The following TNS2 variants were observed in gnomAD, a reference collection of about 807,000 sequenced individuals.
TNS2 encodes the protein tensin-2.
TNS2 carries 77 observed loss-of-function variants against 155.7 expected under a neutral mutation model. The ratio of observed to expected loss-of-function variants is 0.49; its 90% confidence interval spans 0.41 to 0.60. The LOEUF (loss-of-function observed/expected upper bound fraction) is 0.60, where lower values mean the gene tolerates loss of function less well. TNS2 is among the 20% of genes least tolerant of loss of function. The pLI, the probability that TNS2 is intolerant of heterozygous loss-of-function variation, is 0.00. For missense variants in TNS2, 1,703 were observed against 1,868.8 expected (o/e 0.91, Z 1.64); for synonymous variants, 726 against 763.9 (o/e 0.95, Z 0.82).
Position 53,061,281 on chromosome 12 carries a change from G to T in TNS2, c.3358+17G>T. On this transcript the variant is annotated intron_variant, in intron 20 of 28. Transcript: ENST00000314250. ...AAACCCCAGGTATAAAGGCCTTGAG[G>T]GGGTTGGTGCCACCTTGAGAGAACC... is the stretch of plus-strand genomic sequence containing the variant. 1 of 1,594,782 alleles carries T rather than the reference G, an allele frequency of 6.3e-7. No homozygotes were observed. Among genetic ancestry groups the T allele is most frequent in the Non-Finnish European group, 8.5e-7 (1 of 1,170,178 alleles).
upstream of TNS2, among the ~76,000 whole-genome samples, chr12:53,047,347 C>A (rs1211322045): frequency 1.4e-5 from 2 of 145,924 alleles, no homozygotes; most frequent in Non-Finnish European, 3.0e-5. Flanking sequence ...CCCGCCGCGC[C>A]CCCGCCCGGC....
rs771878246 is a variant in TNS2 at position 53,062,383 on chromosome 12, G to C, written c.3675G>C (p.Leu1225=). 6.2e-7 allele frequency: 1 copy of C among 1,613,986 alleles called. No individual in the cohort carries two copies. The highest frequency in any genetic ancestry group is 1.3e-5 in the African/African-American group (1 of 75,006). Residue 1225 remains leucine (L), a synonymous_variant, in exon 24 of 29, where the codon CTG becomes CTC. Transcript: ENST00000314250. ...GCPSEPYFGS[L]SALVSQHSIS... ...CTACCTCCTCTCCCACAGGCAGCCT[G>C]TCCGCCTTGGTCTCCCAGCACTCCA... is the stretch of plus-strand genomic sequence containing the variant.
chr12:53,061,179 A>G lies in TNS2; in HGVS notation c.3273A>G (p.Pro1091=). ...GPGQQPGPWG[P]EQASSPARGI... ...GGCAACAGCCAGGACCCTGGGGCCC[A>G]GAGCAGGCATCATCGCCAGCCAGAG... The change falls in exon 20 of 29, where the codon CCA becomes CCG. Residue 1091 remains proline (P), a synonymous_variant. Coordinates refer to ENST00000314250, the MANE Select transcript of TNS2 (RefSeq NM_170754.4). The G allele has an allele frequency of 6.3e-7, 1 of 1,594,696 alleles. No homozygotes were observed. Among genetic ancestry groups the G allele is most frequent in the Non-Finnish European group, 8.5e-7 (1 of 1,170,946 alleles).
intron 22 of TNS2, 100 bp from the exon 23 acceptor site, chr12:53,062,053 A>C (rs980058681): frequency 1.9e-6 from 3 of 1,610,682 alleles, no homozygotes; most frequent in Middle Eastern, 1.7e-4. Flanking sequence ...TAGAGGGGAG[A>C]GGTAGGAAAA....
chr12:53,058,993 TCTCCCTCCCTGTTCCCCGCTTGCC>T, intron 17 of TNS2, 30 bp from the exon 18 acceptor site: 1 of 1,536,076 alleles, frequency 6.5e-7, no homozygotes, highest in Non-Finnish European at 8.8e-7. Context: ...GAATTTTCTC[TCTCCCTCCCTGTTCCCCGCTTGCC>T]CTCCCTCCCT....
chr12:53,060,575 A>G lies in TNS2; in HGVS notation c.2768+20A>G. On this transcript the variant is annotated intron_variant, in intron 19 of 28. Coordinates refer to ENST00000314250, the MANE Select transcript of TNS2 (RefSeq NM_170754.4). The surrounding 1 kb of genome is among the most constrained non-coding windows in gnomAD (Gnocchi z 6.1). ...GGAAAGGTATGCAGAGGGGCCGGGGATGCTCGAGTGCTTTCTTGTCCAAGC... is the reference window on the plus strand; with the variant it reads ...GGAAAGGTATGCAGAGGGGCCGGGGGTGCTCGAGTGCTTTCTTGTCCAAGC... 1 of 1,609,202 alleles carries G rather than the reference A, an allele frequency of 6.2e-7. No homozygotes were observed. The highest frequency in any genetic ancestry group is 8.5e-7 in the Non-Finnish European group (1 of 1,177,476).
Position 53,051,911 on chromosome 12 carries a change from A to G in TNS2, c.132A>G (p.Pro44=). The G allele has an allele frequency of 6.2e-7, 1 of 1,613,732 alleles. No individual in the cohort carries two copies. The highest frequency in any genetic ancestry group is 1.1e-5 in the South Asian group (1 of 91,052). ...AGAAGGTTTTCCGGAAGAAACCTCC[A>G]GTCTGTGCAGTATGTAAGGTGACCA... The part of the protein sequence containing the change: ...FREKVFRKKP[P]VCAVCKVTID... Residue 44 remains proline, a synonymous_variant, in exon 2 of 29, where the codon CCA becomes CCG. Coordinates refer to ENST00000314250, the MANE Select transcript of TNS2 (RefSeq NM_170754.4).
Position 53,060,169 on chromosome 12 carries a change from A to C in TNS2, c.2528A>C (p.Lys843Thr). Residue 843 changes from lysine (K) to threonine (T), a missense_variant, in exon 18 of 29, where the codon AAG (lysine) becomes ACG (threonine). Transcript: ENST00000314250. This position sits in a 1 kb window ranked among gnomAD's most constrained non-coding sequence, Gnocchi z 6.1. ...PGSPPYPQSRKLSYEIPTEEG... is the reference protein window; with the variant it reads ...PGSPPYPQSRTLSYEIPTEEG... ...AGCCCGCCCTATCCACAATCTAGGAAGCTGAGCTACGAGATCCCTACGGAG... is the reference window on the plus strand; with the variant it reads ...AGCCCGCCCTATCCACAATCTAGGACGCTGAGCTACGAGATCCCTACGGAG... 1 of 1,606,372 alleles carries C rather than the reference A, an allele frequency of 6.2e-7. No individual in the cohort carries two copies. Among genetic ancestry groups the C allele is most frequent in the Non-Finnish European group, 8.5e-7 (1 of 1,176,172 alleles).
In TNS2 at chr12:53,050,179, G is replaced by A. The variant is rs904134196; in HGVS notation, c.-7G>A. On this transcript the variant is annotated 5_prime_UTR_variant, in exon 1 of 29. Coordinates refer to ENST00000314250, the MANE Select transcript of TNS2 (RefSeq NM_170754.4). This position sits in a 1 kb window ranked among gnomAD's most constrained non-coding sequence, Gnocchi z 4.7. ...CCTGGGGCCAGCACCCCAGCCAGCC[G>A]AACACCATGAAGTCCAGCGGCCCTG... is the stretch of plus-strand genomic sequence containing the variant. 16 of 1,610,484 alleles carry A rather than the reference G, an allele frequency of 9.9e-6. No individual in the cohort carries two copies. The highest frequency in any genetic ancestry group is 4.5e-5 in the East Asian group (2 of 44,742).
Position 53,055,637 on chromosome 12 carries a change from A to T in TNS2, c.643A>T (p.Met215Leu). 1 of 1,614,122 alleles carries T rather than the reference A, an allele frequency of 6.2e-7. No individual in the cohort carries two copies. Among genetic ancestry groups the T allele is most frequent in the Non-Finnish European group, 8.5e-7 (1 of 1,180,018 alleles). Residue 215 changes from methionine to leucine, a missense_variant, in exon 9 of 29, where the codon ATG becomes TTG. Met to Leu is a conservative substitution (Grantham distance 15, BLOSUM62 2). Coordinates refer to ENST00000314250, the MANE Select transcript of TNS2 (RefSeq NM_170754.4). ...LDKLCSICKAMETWLSADPQH... is the reference protein window; with the variant it reads ...LDKLCSICKALETWLSADPQH... Reference sequence around the variant, plus strand: ...CAAGCTGTGCTCCATCTGCAAAGCCATGGAGACATGGCTCAGTGCTGACCC... The same window carrying T: ...CAAGCTGTGCTCCATCTGCAAAGCCTTGGAGACATGGCTCAGTGCTGACCC...
chr12:53,060,308 G>T lies in TNS2; in HGVS notation c.2617+50G>T, dbSNP rs2121153876. On this transcript the variant is annotated intron_variant, in intron 18 of 28. Transcript: ENST00000314250. The surrounding 1 kb of genome is among the most constrained non-coding windows in gnomAD (Gnocchi z 6.1). ...GCCCAGGGCAGAGGAGGTTCTGGAA[G>T]ATGGTGGGGAAGTCAAGGGGGAACA... The T allele has an allele frequency of 6.4e-7, 1 of 1,551,536 alleles. No individual in the cohort carries two copies. Among genetic ancestry groups the T allele is most frequent in the East Asian group, 2.3e-5 (1 of 44,018 alleles).
At position 53,058,811 on chromosome 12, in the gene TNS2, C is replaced by T. The variant is rs148196451; in HGVS notation, c.1389C>T (p.His463=). Residue 463 remains histidine, a synonymous_variant, in exon 17 of 29, where the codon CAC becomes CAT. Transcript: ENST00000314250. ...WDSYENFNQH[H]EDSVDGSLTH... is the part of the protein sequence containing the mutation. Reference sequence around the variant, plus strand: ...CCTATGAGAACTTCAACCAGCACCACGAGGACAGTGTGGATGGTGCGCAGG... The same window carrying T: ...CCTATGAGAACTTCAACCAGCACCATGAGGACAGTGTGGATGGTGCGCAGG... 5.4e-5 allele frequency: 87 copies of T among 1,613,684 alleles called. No individual in the cohort carries two copies. Among genetic ancestry groups the T allele is most frequent in the Non-Finnish European group, 6.7e-5 (79 of 1,179,984 alleles).
chr12:53,060,408 C>G lies in TNS2; in HGVS notation c.2621C>G (p.Ser874Trp), dbSNP rs766028896. Residue 874 changes from serine to tryptophan, a missense_variant, in exon 19 of 29, where the codon TCG (serine) becomes TGG (tryptophan). Transcript: ENST00000314250. The surrounding 1 kb of genome is among the most constrained non-coding windows in gnomAD (Gnocchi z 6.1). Reference sequence around the variant, plus strand: ...CCACCTCTCCCCTTCACTGCAGAGTCGCTGGAGCCGGTGTCCTGGAGGGAG... The same window carrying G: ...CCACCTCTCCCCTTCACTGCAGAGTGGCTGGAGCCGGTGTCCTGGAGGGAG... Reference protein sequence around the residue: ...ASAGPLASAESLEPVSWREGP... With the variant: ...ASAGPLASAEWLEPVSWREGP... 1 of 1,612,350 alleles carries G rather than the reference C, an allele frequency of 6.2e-7. No homozygotes were observed. The highest frequency in any genetic ancestry group is 8.5e-7 in the Non-Finnish European group (1 of 1,179,302).
rs774727655 is a variant in TNS2, at chr12:53,058,670, G to C, written c.1291+33G>C. ...CAGGGACATGGGCTGGGGACTGAGG[G>C]CCGCCTCTCCCCTGCTCCCCAATAC... On this transcript the variant is annotated intron_variant, in intron 16 of 28. Coordinates refer to ENST00000314250, the MANE Select transcript of TNS2 (RefSeq NM_170754.4). 1.9e-5 allele frequency: 31 copies of C among 1,613,926 alleles called. 1 individual carries two copies. In the South Asian group the frequency reaches 3.4e-4, roughly 18 times the overall value.
intron 10 of TNS2, 150 bp downstream of exon 10, chr12:53,055,995 T>C: frequency 1.3e-6 from 1 of 743,862 alleles, no homozygotes; most frequent in Non-Finnish European, 2.2e-6. Flanking sequence ...TCACTAGTAC[T>C]GCAACATAGT....
At position 53,061,110 on chromosome 12, in the gene TNS2, TA is replaced by T; in HGVS notation, c.3205del (p.Ser1069AlafsTer86). 4 of 1,611,208 alleles carry T rather than the reference TA, an allele frequency of 2.5e-6. No homozygotes were observed. The highest frequency in any genetic ancestry group is 3.4e-6 in the Non-Finnish European group (4 of 1,178,666). On this transcript the variant is annotated frameshift_variant, in exon 20 of 29. Coordinates refer to ENST00000314250, the MANE Select transcript of TNS2 (RefSeq NM_170754.4). LOFTEE classifies it high-confidence loss of function. ...LAASYDTNGL[S>X]QPPLPEKRHL... ...CTGCCTCCTATGACACCAATGGCCT[TA>T]GCCAGCCCCCACTTCCTGAGAAACG...
Position 53,050,655 on chromosome 12 carries a change from G to C in TNS2, c.75+395G>C, listed in dbSNP as rs181073456. 8.5e-5 allele frequency among the ~76,000 whole-genome samples: 13 copies of C among 152,286 alleles called. No homozygotes were observed. Among genetic ancestry groups the C allele is most frequent in the African/African-American group, 3.1e-4 (13 of 41,554 alleles). On this transcript the variant is annotated intron_variant, in intron 1 of 28. Coordinates refer to ENST00000314250, the MANE Select transcript of TNS2 (RefSeq NM_170754.4). This position sits in a 1 kb window ranked among gnomAD's most constrained non-coding sequence, Gnocchi z 4.7. ...GAAATGGGGTGGCAGGGTGGAAAAA[G>C]AGAGAGGAGAGGGAGTCAGGAGTGC...
chr12:53,055,740 T>C (rs1438515689), intron 9 of TNS2, 41 bp from the exon 10 acceptor site: 1 of 1,614,228 alleles, frequency 6.2e-7, no homozygotes, highest in East Asian at 2.2e-5. Flanking sequence ...CAGGTCAGCC[T>C]GGAGCTCCCA....
At position 53,063,880 on chromosome 12, in the gene TNS2, TGAAG is replaced by T. The variant is rs762143101; in HGVS notation, c.*4_*7del. On this transcript the variant is annotated stop_retained_variant and 3_prime_UTR_variant, in exon 29 of 29. Coordinates refer to ENST00000314250, the MANE Select transcript of TNS2 (RefSeq NM_170754.4). This position sits in a 1 kb window ranked among gnomAD's most constrained non-coding sequence, Gnocchi z 5.6. ...CAAAGTTCTACTGGGCCAGAGAAAA[TGAAG>T]GAAGGCCACAAGCTCAGAGCCCACA... The T allele has an allele frequency of 3.1e-6, 5 of 1,613,728 alleles. No homozygotes were observed. Among genetic ancestry groups the T allele is most frequent in the South Asian group, 2.2e-5 (2 of 91,066 alleles).
Sources: allele counts gnomAD v4.1 joint callset (sites outside exome capture counted in the v4.1 genomes callset), GRCh38; gene constraint gnomAD v4.1.1; non-coding constraint Gnocchi (gnomAD v3.1); transcripts MANE v1.5; gene names NCBI Gene and HGNC (gene_info 2026-07-23, HGNC 2026-07-21).